The following NFATC3 variants were observed in gnomAD, a reference collection of about 807,000 sequenced individuals.
NFATC3 encodes the protein nuclear factor of activated T cells 3.
In NFATC3, 46 loss-of-function variants were observed where a neutral mutation model predicts 98.6. That is an observed-to-expected ratio of 0.47 (90% CI 0.37 to 0.60). The LOEUF is 0.60. Ranked by LOEUF, NFATC3 falls within the 20% of genes least tolerant of loss-of-function variation. NFATC3 has a pLI of 0.00. For synonymous variants in NFATC3, 512 were observed against 472.2 expected (o/e 1.08, Z -1.09); for missense variants, 1,256 against 1,295.5 (o/e 0.97, Z 0.47).
In NFATC3 at chr16:68,173,724, C is replaced by T. The variant is rs142304512; in HGVS notation, c.1775-650C>T. Among the ~76,000 whole-genome samples, 785 of 152,046 alleles carry T rather than the reference C, an allele frequency of 5.2e-3. 8 individuals are homozygous for T. The highest frequency in any genetic ancestry group is 0.017 in the African/African-American group (707 of 41,464). On this transcript the variant is annotated intron_variant, in intron 5 of 9. Coordinates refer to ENST00000346183, the MANE Select transcript of NFATC3 (RefSeq NM_173165.3). ...TTGTAATTAGATTTATAGATTTTAA[C>T]GGATAGTTGCATAGAAGAAACATAT... is the stretch of plus-strand genomic sequence containing the variant.
intron 1 of NFATC3, among the ~76,000 whole-genome samples, chr16:68,113,663 C>T (rs926972676): frequency 7.2e-5 from 11 of 152,190 alleles, no homozygotes; most frequent in African/African-American, 2.4e-4. Context: ...TCTGGACTGC[C>T]AACAGGCAGG....
At chr16:68,144,473 A>ATAATATTCGTAACAAC (rs1567518929) in intron 3 of NFATC3, among the ~76,000 whole-genome samples, 1 of 152,112 alleles carries the variant, frequency 6.6e-6, no homozygotes, top group Non-Finnish European at 1.5e-5. Context: ...AGGTATACTA[A>ATAATATTCGTAACAAC]TAATATTCGT....
At position 68,191,530 on chromosome 16, in the gene NFATC3, C is replaced by G; in HGVS notation, c.2861C>G (p.Ser954Cys). Reference protein sequence around the residue: ...SPQLQPMPYQSPSSGTASSPS... With the variant: ...SPQLQPMPYQCPSSGTASSPS... ...CAGCTTCAGCCTATGCCTTACCAATCTCCTAGCTCAGGAACTGCCTCATCA... is the reference window on the plus strand; with the variant it reads ...CAGCTTCAGCCTATGCCTTACCAATGTCCTAGCTCAGGAACTGCCTCATCA... Residue 954 changes from serine (S) to cysteine (C), a missense_variant, in exon 9 of 10, where the codon TCT becomes TGT. Transcript: ENST00000346183. The G allele has an allele frequency of 6.2e-7, 1 of 1,614,192 alleles. No homozygotes were observed. Among genetic ancestry groups the G allele is most frequent in the Non-Finnish European group, 8.5e-7 (1 of 1,180,046 alleles).
At chr16:68,185,338 CCTG>C (rs2040140469) in intron 8 of NFATC3, among the ~76,000 whole-genome samples, 1 of 152,002 alleles carries the variant, frequency 6.6e-6, no homozygotes, top group African/African-American at 2.4e-5. Context: ...AACAAGTTGA[CCTG>C]CTGTTAAACT....
At chr16:68,211,031 C>G (rs2041365112) in intron 9 of NFATC3, among the ~76,000 whole-genome samples, 1 of 152,062 alleles carries the variant, frequency 6.6e-6, no homozygotes. Flanking sequence ...ATCCACCCAC[C>G]TTAGCCTCCC....
rs866695697 is a variant in NFATC3 at position 68,226,598 on chromosome 16, A to G, written c.*127A>G. The G allele has an allele frequency of 1.8e-6, 2 of 1,122,242 alleles. No individual in the cohort carries two copies. Among genetic ancestry groups the G allele is most frequent in the Middle Eastern group, 3.2e-4 (1 of 3,102 alleles). 69.5% of individuals were successfully genotyped at this position (1,122,242 alleles called of 1,614,324 possible). The stretch of plus-strand genomic sequence containing the variant: ...AGTGGGACCCACCATTTGTGGGGAA[A>G]GTAGCATTCCTCCACCTCAGGCCTT... On this transcript the variant is annotated 3_prime_UTR_variant, in exon 10 of 10. Transcript: ENST00000346183.
Position 68,187,520 on chromosome 16 carries a change from AAG to A in NFATC3, c.2099-3246_2099-3245del, listed in dbSNP as rs376636499. On this transcript the variant is annotated intron_variant, in intron 8 of 9. Transcript: ENST00000346183. Reference sequence around the variant, plus strand: ...TTTTGAGCAATAGAAGAGCTCAGAGAAGACCCACAGAGGGTAGCTCCTCTCTG... The same window carrying A: ...TTTTGAGCAATAGAAGAGCTCAGAGAACCCACAGAGGGTAGCTCCTCTCTG... 5.0e-3 allele frequency among the ~76,000 whole-genome samples: 765 copies of A among 152,202 alleles called. 8 individuals carry two copies. The highest frequency in any genetic ancestry group is 0.017 in the African/African-American group (698 of 41,536).
In NFATC3 at chr16:68,085,482, T is replaced by A; in HGVS notation, c.-200T>A. 1 of 476,448 alleles carries A rather than the reference T, an allele frequency of 2.1e-6. No homozygotes were observed. 29.5% of individuals were successfully genotyped at this position (476,448 alleles called of 1,614,324 possible). On this transcript the variant is annotated 5_prime_UTR_variant, in exon 1 of 10. Transcript: ENST00000346183. The stretch of plus-strand genomic sequence containing the variant: ...GGCACCGGTGGCGGGCGGCTGCGGT[T>A]CCTGGTGCTGCTCGGCGCGCGGCCA...
chr16:68,171,857 C>T (rs909105968), intron 5 of NFATC3, among the ~76,000 whole-genome samples: 6 of 151,876 alleles, frequency 4.0e-5, no homozygotes, highest in Non-Finnish European at 7.4e-5. Flanking sequence ...GGCGCGATCT[C>T]GGCTTACTGC....
chr16:68,221,071 C>A, intron 9 of NFATC3: 1 of 1,038,728 alleles, frequency 9.6e-7, no homozygotes, highest in Non-Finnish European at 1.4e-6. Context: ...AATAAATTAG[C>A]AAATTCATGC....
At position 68,112,600 on chromosome 16, in the gene NFATC3, A is replaced by G. The variant is rs538602125; in HGVS notation, c.104-9387A>G. ...CAGGTTCATTCTTTTAAATAATCCCATAGTTCTTGGAGGTTTTGTTCATTT... is the reference window on the plus strand; with the variant it reads ...CAGGTTCATTCTTTTAAATAATCCCGTAGTTCTTGGAGGTTTTGTTCATTT... On this transcript the variant is annotated intron_variant, in intron 1 of 9. Transcript: ENST00000346183. Among the ~76,000 whole-genome samples the G allele has an allele frequency of 1.1e-4, 16 of 145,498 alleles. No homozygotes were observed. The South Asian group carries it at 3.1e-3, about 28-fold the overall frequency.
intron 1 of NFATC3, among the ~76,000 whole-genome samples, chr16:68,112,512 G>A (rs1458235223): frequency 3.3e-5 from 5 of 151,642 alleles, no homozygotes; most frequent in South Asian, 4.2e-4. Context: ...TCCTGGTCTC[G>A]TGATCCACCC....
intron 1 of NFATC3, chr16:68,089,386 A>AT (rs1281665841): frequency 6.8e-6 from 5 of 736,658 alleles, no homozygotes; most frequent in Non-Finnish European, 8.3e-6. Context: ...ATATTTTGAG[A>AT]TTTTTTTCCA....
chr16:68,190,958 T>C lies in NFATC3; in HGVS notation c.2289T>C (p.His763=). The C allele has an allele frequency of 6.2e-7, 1 of 1,614,210 alleles. No individual in the cohort carries two copies. The highest frequency in any genetic ancestry group is 8.5e-7 in the Non-Finnish European group (1 of 1,180,030). ...ATGCATCCATGGTGACCTCATCCCATCTGCCACAGTTGCAGTGTAGAGATG... is the reference window on the plus strand; with the variant it reads ...ATGCATCCATGGTGACCTCATCCCACCTGCCACAGTTGCAGTGTAGAGATG... ...QTYASMVTSS[H]LPQLQCRDES... is the part of the protein sequence containing the mutation. The change falls in exon 9 of 10, where the codon CAT becomes CAC. Residue 763 remains histidine (H), a synonymous_variant. Coordinates refer to ENST00000346183, the MANE Select transcript of NFATC3 (RefSeq NM_173165.3).
chr16:68,194,412 G>C (rs1415224294), intron 9 of NFATC3, among the ~76,000 whole-genome samples: 1 of 152,216 alleles, frequency 6.6e-6, no homozygotes, highest in Non-Finnish European at 1.5e-5. Flanking sequence ...GCATTTTGCT[G>C]CTGTTCTCTG....
At chr16:68,193,072 C>T (rs777395545) in intron 9 of NFATC3, among the ~76,000 whole-genome samples, 2 of 151,808 alleles carry the variant, frequency 1.3e-5, no homozygotes, top group Non-Finnish European at 2.9e-5. Flanking sequence ...CTGTATTGAA[C>T]GTGTACAAAC....
rs1270335204 is a variant in NFATC3 at position 68,138,622 on chromosome 16, T to G, written c.1401+12012T>G. The stretch of plus-strand genomic sequence containing the variant: ...CTCAAGATACTTAACTACATTAACC[T>G]GGAAATTACTATCAATCATCACCAC... On this transcript the variant is annotated intron_variant, in intron 3 of 9. Transcript: ENST00000346183. 4 of 1,289,134 alleles carry G rather than the reference T, an allele frequency of 3.1e-6. No individual in the cohort carries two copies. In the South Asian group the frequency reaches 4.9e-5, roughly 16 times the overall value. 79.9% of individuals were successfully genotyped at this position (1,289,134 alleles called of 1,614,324 possible). A position where few individuals can be genotyped will look rare whatever the true frequency, so the allele number is the denominator to read the frequency against.
At chr16:68,168,950 A>T (rs367805316) in intron 5 of NFATC3, among the ~76,000 whole-genome samples, 2 of 152,202 alleles carry the variant, frequency 1.3e-5, no homozygotes, top group African/African-American at 2.4e-5. Context: ...TTTAAAATTT[A>T]AAAAATATAT....
At chr16:68,134,437 C>T (rs1435853051) in intron 3 of NFATC3, among the ~76,000 whole-genome samples, 2 of 151,994 alleles carry the variant, frequency 1.3e-5, no homozygotes, top group African/African-American at 2.4e-5. Flanking sequence ...GATTGATCCT[C>T]CCACCTCAGC....
Sources: allele counts gnomAD v4.1 joint callset (sites outside exome capture counted in the v4.1 genomes callset), GRCh38; gene constraint gnomAD v4.1.1; transcripts MANE v1.5; gene names NCBI Gene and HGNC (gene_info 2026-07-23, HGNC 2026-07-21).